The following CNKSR2 variants were observed in gnomAD, a reference collection of about 807,000 sequenced individuals.
CNKSR2 encodes connector enhancer of kinase suppressor of Ras 2.
In CNKSR2, 14 loss-of-function variants were observed where a neutral mutation model predicts 84.4. That is an observed-to-expected ratio of 0.17 (90% CI 0.11 to 0.26). The LOEUF (loss-of-function observed/expected upper bound fraction) is 0.26, where lower values mean the gene tolerates loss of function less well. Among genes scored for constraint, CNKSR2 ranks in the 10% least tolerant of loss-of-function variants. The pLI is 1.00. For synonymous variants in CNKSR2, 275 were observed against 277.9 expected (o/e 0.99, Z 0.10); for missense variants, 485 against 771.2 (o/e 0.63, Z 4.40).
At chrX:21,647,263 C>G (rs2092708873) in intron 20 of CNKSR2, among the ~76,000 whole-genome samples, 1 of 112,188 alleles carries the variant, frequency 8.9e-6, no homozygotes, top group Admixed American at 9.4e-5. Flanking sequence ...TAGAAGGACT[C>G]AATGACTATA....
chrX:21,594,458 CT>C (rs1482650041), intron 15 of CNKSR2: 1 of 111,428 alleles, frequency 9.0e-6, no homozygotes, highest in Non-Finnish European at 1.9e-5. Context: ...ACGTGTACCC[CT>C]GAACCTAAAA....
intron 4 of CNKSR2, among the ~76,000 whole-genome samples, chrX:21,445,001 C>T (rs929611368): frequency 3.6e-5 from 4 of 111,196 alleles, no homozygotes; most frequent in African/African-American, 3.3e-5. Flanking sequence ...AGGCAAGGTA[C>T]GTATTCTATC....
intron 4 of CNKSR2, among the ~76,000 whole-genome samples, chrX:21,447,776 G>A (rs1333419789): frequency 8.9e-6 from 1 of 111,778 alleles, no homozygotes; most frequent in African/African-American, 3.2e-5. Context: ...AAAGAATGAT[G>A]TAATTATTTT....
At chrX:21,617,261 A>G (rs914391636) in intron 20 of CNKSR2, among the ~76,000 whole-genome samples, 1 of 111,475 alleles carries the variant, frequency 9.0e-6, no homozygotes, top group Non-Finnish European at 1.9e-5. Context: ...CTTATTGTAT[A>G]AAAACCTATC....
At chrX:21,522,520 T>C (rs2091794703) in intron 9 of CNKSR2, among the ~76,000 whole-genome samples, 2 of 111,174 alleles carry the variant, frequency 1.8e-5, no homozygotes, top group Admixed American at 1.9e-4. Context: ...TGCCCAGAGA[T>C]GTTAAAATGT....
At chrX:21,409,994 C>T (rs1183991084) in intron 1 of CNKSR2, among the ~76,000 whole-genome samples, 1 of 108,661 alleles carries the variant, frequency 9.2e-6, no homozygotes, top group African/African-American at 3.4e-5. Context: ...ACAAAAACGG[C>T]ATAGCTAAAT....
intron 13 of CNKSR2, among the ~76,000 whole-genome samples, chrX:21,576,983 G>T (rs1263923509): frequency 9.0e-6 from 1 of 111,693 alleles, no homozygotes; most frequent in Non-Finnish European, 1.9e-5. Context: ...TGCTTTTAAA[G>T]TGTTGGAAGC....
chrX:21,640,577 C>T (rs1412312655), intron 20 of CNKSR2, among the ~76,000 whole-genome samples: 1 of 111,498 alleles, frequency 9.0e-6, no homozygotes, highest in African/African-American at 3.3e-5. Flanking sequence ...CAAGATGTGT[C>T]CCTCCCCATT....
At chrX:21,550,215 C>A (rs768195810) in intron 11 of CNKSR2, among the ~76,000 whole-genome samples, 7 of 111,665 alleles carry the variant, frequency 6.3e-5, no homozygotes, top group Non-Finnish European at 1.1e-4. Context: ...CTTAATTAAA[C>A]AAATGTACAA....
chrX:21,565,818 G>GATCT (rs1335417406), intron 13 of CNKSR2, among the ~76,000 whole-genome samples: 1 of 111,525 alleles, frequency 9.0e-6, no homozygotes, highest in Non-Finnish European at 1.9e-5. Flanking sequence ...TTCCCTTGAG[G>GATCT]ATCTCACCTT....
At chrX:21,388,189 G>A (rs759710835) in intron 1 of CNKSR2, among the ~76,000 whole-genome samples, 9 of 111,924 alleles carry the variant, frequency 8.0e-5, no homozygotes, top group East Asian at 2.8e-4. Flanking sequence ...ATGAGCCACC[G>A]CGCCAGGCCT....
chrX:21,555,231 C>A (rs775096481), intron 11 of CNKSR2, among the ~76,000 whole-genome samples: 1 of 110,499 alleles, frequency 9.0e-6, no homozygotes, highest in Middle Eastern at 4.7e-3. Flanking sequence ...TGGTTTTGTT[C>A]TCTGTCAATG....
At chrX:21,543,492 G>A (rs186695934) in intron 11 of CNKSR2, among the ~76,000 whole-genome samples, 167 of 112,495 alleles carry the variant, frequency 1.5e-3, no homozygotes, top group African/African-American at 5.3e-3. Context: ...TGATGGAAAA[G>A]CAGTTCAACA....
At chrX:21,418,276 G>T (rs182663122) in intron 1 of CNKSR2, among the ~76,000 whole-genome samples, 1 of 111,530 alleles carries the variant, frequency 9.0e-6, no homozygotes, top group Non-Finnish European at 1.9e-5. Context: ...TATTATTTTT[G>T]ATTGGTTCAT....
At chrX:21,590,835 A>G in intron 14 of CNKSR2, 187 bp from the exon 15 acceptor site, 2 of 460,839 alleles carry the variant, frequency 4.3e-6, no homozygotes, top group East Asian at 3.8e-5. Context: ...GTGGTGTTAC[A>G]TATTTCTGAT....
chrX:21,416,815 G>A (rs747155626), intron 1 of CNKSR2, among the ~76,000 whole-genome samples: 2 of 108,811 alleles, frequency 1.8e-5, no homozygotes, highest in African/African-American at 7.0e-5. Context: ...TATTTGGGTC[G>A]TCTTTCTTAT....
At chrX:21,576,689 A>G (rs2092321122) in intron 13 of CNKSR2, among the ~76,000 whole-genome samples, 1 of 111,663 alleles carries the variant, frequency 9.0e-6, no homozygotes, top group African/African-American at 3.3e-5. Context: ...ACCCTCATAG[A>G]CATTAAAAGA....
At chrX:21,418,971 T>C (rs771222206) in intron 1 of CNKSR2, among the ~76,000 whole-genome samples, 44 of 111,492 alleles carry the variant, frequency 3.9e-4, no homozygotes, top group Non-Finnish European at 7.7e-4. Flanking sequence ...TCTGTTATTA[T>C]TCCTTTCAAT....
intron 18 of CNKSR2, among the ~76,000 whole-genome samples, chrX:21,603,918 G>T (rs1444297223): frequency 3.6e-5 from 4 of 110,667 alleles, no homozygotes; most frequent in Non-Finnish European, 7.6e-5. Context: ...CTCTTCTAGT[G>T]TTGGCACTGC....
Sources: gnomAD v4.1 joint callset for allele counts (sites outside exome capture counted in the v4.1 genomes callset) on GRCh38, gnomAD v4.1.1 for gene constraint, MANE v1.5 for transcripts, NCBI Gene and HGNC (gene_info 2026-07-23, HGNC 2026-07-21) for gene names.